Variants in ARMH3 observed in about 807,000 individuals in gnomAD.
The protein encoded by ARMH3 is armadillo-like helical domain-containing protein 3.
ARMH3 carries 60 observed loss-of-function variants against 99.1 expected under a neutral mutation model. The ratio of observed to expected loss-of-function variants is 0.61; its 90% CI spans 0.49 to 0.75. The LOEUF (loss-of-function observed/expected upper bound fraction) is 0.75, where lower values mean the gene tolerates loss of function less well. ARMH3 is among the 30% of genes least tolerant of loss of function. The probability of loss-of-function intolerance (pLI) is 0.00; values close to 1 mark genes in which losing one functional copy is unlikely to be tolerated. For missense variants in ARMH3, 679 were observed against 843.1 expected (o/e 0.81, Z 2.41); for synonymous variants, 285 against 292.8 (o/e 0.97, Z 0.27).
chr10:101,876,889 C>T lies in ARMH3; in HGVS notation c.1860+12523G>A, dbSNP rs532183752. Among the ~76,000 whole-genome samples, 13 of 152,258 alleles carry T rather than the reference C, an allele frequency of 8.5e-5. No homozygotes were observed. The South Asian group carries it at 2.5e-3, about 29-fold the overall frequency. On this transcript the variant is annotated intron_variant, in intron 24 of 25. Transcript: ENST00000370033. ...TTGGGTTAAACCAAGAAAGCAAGGA[C>T]TCCTGTCTCCAGTAACCTCTTCAAA...
intron 8 of ARMH3, among the ~76,000 whole-genome samples, chr10:102,020,417 C>G (rs1454534622): frequency 6.6e-6 from 1 of 151,750 alleles, no homozygotes; most frequent in East Asian, 2.0e-4. Context: ...TGGCTCACAC[C>G]TATAATCCAA....
chr10:101,891,158 G>A (rs902811684), intron 23 of ARMH3, among the ~76,000 whole-genome samples: 1 of 151,544 alleles, frequency 6.6e-6, no homozygotes, highest in African/African-American at 2.4e-5. Context: ...ACAGGCATGA[G>A]CCATTGCTCC....
chr10:102,041,540 T>C (rs1175676083), intron 1 of ARMH3, among the ~76,000 whole-genome samples: 1 of 152,220 alleles, frequency 6.6e-6, no homozygotes, highest in Admixed American at 6.5e-5. Flanking sequence ...CAAAAGATTG[T>C]ATCTTAGACA....
rs748880250 is a variant in ARMH3 at position 101,847,651 on chromosome 10, G to GGC, written c.1978-33_1978-32dup. On this transcript the variant is annotated intron_variant, in intron 25 of 25. Coordinates refer to ENST00000370033, the MANE Select transcript of ARMH3 (RefSeq NM_024541.3). ...AAAGGGTAGTTGGGGAAGGTGGGAG[G>GGC]GCGCAGCCAGAGAGAAAACAGGAGA... The GGC allele has an allele frequency of 1.9e-6, 3 of 1,597,908 alleles. No homozygotes were observed. In the African/African-American group the frequency reaches 4.0e-5, roughly 21 times the overall value.
At chr10:101,957,414 C>T (rs1404941542) in intron 21 of ARMH3, among the ~76,000 whole-genome samples, 1 of 152,108 alleles carries the variant, frequency 6.6e-6, no homozygotes, top group Non-Finnish European at 1.5e-5. Context: ...AGAGATCTAA[C>T]CTATACCCAC....
intron 22 of ARMH3, among the ~76,000 whole-genome samples, chr10:101,949,037 G>C (rs1285982307): frequency 6.6e-6 from 1 of 151,920 alleles, no homozygotes; most frequent in Non-Finnish European, 1.5e-5. Context: ...AAAATACACT[G>C]AACTTGAAAG....
At position 101,889,431 on chromosome 10, in the gene ARMH3, G is replaced by T; in HGVS notation, c.1841C>A (p.Ser614Tyr). Residue 614 changes from serine to tyrosine, a missense_variant, in exon 24 of 26, where the codon TCC becomes TAC. Physicochemically the swap from Ser to Tyr is moderately radical, Grantham distance 144 (BLOSUM62 -2). This residue lies in a region of ARMH3 where 389 missense variants were observed against 456.5 expected (regional missense o/e 0.85). Coordinates refer to ENST00000370033, the MANE Select transcript of ARMH3 (RefSeq NM_024541.3). Reference protein sequence around the residue: ...IESYAAVNHISQLSEEQVLEV... With the variant: ...IESYAAVNHIYQLSEEQVLEV... ...GCTTACCTGCTCCTCTGACAGTTGG[G>T]ATATGTGATTCACAGCAGCGTAGGA... 6.2e-7 allele frequency: 1 copy of T among 1,613,866 alleles called. No homozygotes were observed.
At chr10:102,010,732 C>G (rs2066612917) in intron 11 of ARMH3, among the ~76,000 whole-genome samples, 1 of 152,142 alleles carries the variant, frequency 6.6e-6, no homozygotes, top group Admixed American at 6.5e-5. Flanking sequence ...ACAAAACTTT[C>G]TGAAAACTTG....
intron 23 of ARMH3, among the ~76,000 whole-genome samples, chr10:101,928,848 A>G (rs921440788): frequency 1.3e-5 from 2 of 152,090 alleles, no homozygotes; most frequent in Non-Finnish European, 2.9e-5. Context: ...CTCCTGCCTC[A>G]GCCTCCCGAG....
At chr10:101,994,456 A>C (rs1163337822) in intron 16 of ARMH3, among the ~76,000 whole-genome samples, 1 of 152,156 alleles carries the variant, frequency 6.6e-6, no homozygotes, top group Admixed American at 6.5e-5. Flanking sequence ...TTAAGAGAGA[A>C]AAGAGCAGAG....
intron 23 of ARMH3, among the ~76,000 whole-genome samples, chr10:101,910,063 C>T (rs1321742996): frequency 6.6e-6 from 1 of 152,214 alleles, no homozygotes; most frequent in Admixed American, 6.5e-5. Flanking sequence ...TCTACCTGCT[C>T]TTCCTGTGGC....
chr10:102,014,817 T>C (rs923467862), intron 8 of ARMH3, among the ~76,000 whole-genome samples: 2 of 152,158 alleles, frequency 1.3e-5, no homozygotes, highest in Non-Finnish European at 2.9e-5. Context: ...ACAAGGGGGA[T>C]GAGAACCAAT....
At chr10:102,036,053 G>T (rs796273297) in intron 2 of ARMH3, among the ~76,000 whole-genome samples, 6 of 150,740 alleles carry the variant, frequency 4.0e-5, no homozygotes, top group African/African-American at 1.5e-4. Context: ...TCTCCGCCCG[G>T]CCGCCCCGTC....
intron 19 of ARMH3, among the ~76,000 whole-genome samples, chr10:101,982,998 G>A (rs1398176157): frequency 6.6e-6 from 1 of 152,112 alleles, no homozygotes; most frequent in Non-Finnish European, 1.5e-5. Context: ...CTGGTTCCTG[G>A]TGCCAAAAAG....
chr10:101,847,554 G>C lies in ARMH3; in HGVS notation c.2044C>G (p.Leu682Val). The change falls in exon 26 of 26, where the codon CTC becomes GTC. Residue 682 changes from leucine (L) to valine (V), a missense_variant. Leu to Val is a conservative substitution (Grantham distance 32, BLOSUM62 1). Transcript: ENST00000370033. ...CAGGAGATAGTGGAGAACTCCTTGA[G>C]CAGGACTTCTTGGCTGAGTGTGTGG... ...AFHTLSQEVLLKEFSTIS is the reference protein window; with the variant it reads ...AFHTLSQEVLVKEFSTIS 1.2e-6 allele frequency: 2 copies of C among 1,614,182 alleles called. No individual in the cohort carries two copies. Among genetic ancestry groups the C allele is most frequent in the Non-Finnish European group, 1.7e-6 (2 of 1,180,004 alleles).
chr10:101,924,027 C>T (rs1383023548), intron 23 of ARMH3, among the ~76,000 whole-genome samples: 1 of 152,098 alleles, frequency 6.6e-6, no homozygotes. Flanking sequence ...TCCACCAAAT[C>T]AGTAGCAGAG....
At chr10:101,966,792 G>C (rs1188016984) in intron 20 of ARMH3, among the ~76,000 whole-genome samples, 2 of 152,140 alleles carry the variant, frequency 1.3e-5, no homozygotes, top group Non-Finnish European at 2.9e-5. Context: ...ATGGATATGA[G>C]AACTTCTCCA....
At position 102,011,237 on chromosome 10, in the gene ARMH3, G is replaced by T. The variant is rs147798807; in HGVS notation, c.831+486C>A. 1.6e-3 allele frequency among the ~76,000 whole-genome samples: 241 copies of T among 152,090 alleles called. 5 individuals are homozygous for T. In the East Asian group the frequency reaches 0.04, roughly 25 times the overall value. On this transcript the variant is annotated intron_variant, in intron 11 of 25. Transcript: ENST00000370033. The stretch of plus-strand genomic sequence containing the variant: ...GAAGAGTGGCACAGATCTACTGCAC[G>T]ATCGCTCAACCCTAGGACCAGCTAT...
At chr10:102,052,152 A>G (rs1226946051) in intron 1 of ARMH3, among the ~76,000 whole-genome samples, 2 of 152,092 alleles carry the variant, frequency 1.3e-5, no homozygotes, top group African/African-American at 4.8e-5. Context: ...GCTCAATTAT[A>G]CAAGCCTCAT....
Sources: gnomAD v4.1 joint callset for allele counts (sites outside exome capture counted in the v4.1 genomes callset) on GRCh38, gnomAD v4.1.1 for gene constraint, gnomAD v4.1.1 regional missense constraint, MANE v1.5 for transcripts, NCBI Gene and HGNC (gene_info 2026-07-23, HGNC 2026-07-21) for gene names.